The following TACR1 variants were observed in gnomAD, a reference collection of about 807,000 sequenced individuals.
TACR1 encodes tachykinin receptor 1.
Under a neutral mutation model 35.8 loss-of-function variants are expected in TACR1, and 25 were observed. That is an observed-to-expected ratio of 0.70 (90% CI 0.51 to 0.98). The LOEUF (loss-of-function observed/expected upper bound fraction) is 0.98, where lower values mean the gene tolerates loss of function less well. Ranked by LOEUF, TACR1 falls within the 50% of genes least tolerant of loss-of-function variation. TACR1 has a pLI of 0.00. For missense variants in TACR1, 478 were observed against 522.9 expected, an observed-to-expected ratio of 0.91 and a Z score of 0.84; for synonymous variants, 195 against 206.7, an observed-to-expected ratio of 0.94 and a Z score of 0.48.
At chr2:75,094,991 G>T (rs1572927068) in intron 2 of TACR1, among the ~76,000 whole-genome samples, 1 of 151,708 alleles carries the variant, frequency 6.6e-6, no homozygotes, top group Admixed American at 6.6e-5. Context: ...AAGTATGAGA[G>T]TCCTCTGAGG....
At chr2:75,078,646 T>C (rs965284095) in intron 2 of TACR1, among the ~76,000 whole-genome samples, 5 of 152,180 alleles carry the variant, frequency 3.3e-5, no homozygotes, top group Non-Finnish European at 7.3e-5. Flanking sequence ...ATTTCCAACA[T>C]CATGGGGGTA....
chr2:75,091,861 C>T (rs887165267), intron 2 of TACR1, among the ~76,000 whole-genome samples: 13 of 152,176 alleles, frequency 8.5e-5, no homozygotes, highest in African/African-American at 2.9e-4. Context: ...AAAGGAAGCC[C>T]ACATGGGGAA....
At chr2:75,178,014 A>G (rs1412898901) in intron 1 of TACR1, among the ~76,000 whole-genome samples, 5 of 152,096 alleles carry the variant, frequency 3.3e-5, no homozygotes, top group East Asian at 1.9e-4. Flanking sequence ...CTGTCATTTT[A>G]TCATAAAATC....
At chr2:75,082,218 G>A (rs902988140) in intron 2 of TACR1, among the ~76,000 whole-genome samples, 16 of 152,084 alleles carry the variant, frequency 1.1e-4, no homozygotes, top group African/African-American at 3.6e-4. Context: ...ATGGTTTCCA[G>A]CTTCCTCCAT....
intron 1 of TACR1, among the ~76,000 whole-genome samples, chr2:75,134,146 C>T (rs906098614): frequency 6.6e-6 from 1 of 152,186 alleles, no homozygotes; most frequent in Non-Finnish European, 1.5e-5. Flanking sequence ...AAGCAACCAG[C>T]AGCCCTTGGG....
intron 1 of TACR1, among the ~76,000 whole-genome samples, chr2:75,185,953 A>G (rs1675683519): frequency 6.6e-6 from 1 of 152,226 alleles, no homozygotes; most frequent in Admixed American, 6.5e-5. Context: ...AAATTACGAT[A>G]CTTTGTAACC....
intron 2 of TACR1, among the ~76,000 whole-genome samples, chr2:75,060,968 A>G (rs935098597): frequency 7.2e-5 from 11 of 152,030 alleles, no homozygotes; most frequent in Non-Finnish European, 1.0e-4. Flanking sequence ...TAGTGTGGGG[A>G]CCCAGGGAAG....
At chr2:75,177,159 C>T (rs1365699736) in intron 1 of TACR1, among the ~76,000 whole-genome samples, 1 of 151,416 alleles carries the variant, frequency 6.6e-6, no homozygotes, top group East Asian at 1.9e-4. Context: ...TCTTTCAGAC[C>T]CCACCCCCTC....
rs928282503 is a variant in TACR1, at chr2:75,048,510, A to C, written c.*922T>G. ...TACAGATGGCCTTAGCAGTTGCTAC[A>C]TCTCCAGGAACTGGGTATTAGTTAC... On this transcript the variant is annotated 3_prime_UTR_variant, in exon 5 of 5. Coordinates refer to ENST00000305249, the MANE Select transcript of TACR1 (RefSeq NM_001058.4). 1 of 152,220 alleles carries C rather than the reference A, an allele frequency of 6.6e-6. No individual in the cohort carries two copies. The highest frequency in any genetic ancestry group is 1.5e-5 in the Non-Finnish European group (1 of 68,034). 9.4% of individuals were successfully genotyped at this position (152,220 alleles called of 1,614,324 possible).
At chr2:75,195,349 C>G (rs1295486030) in intron 1 of TACR1, among the ~76,000 whole-genome samples, 3 of 151,872 alleles carry the variant, frequency 2.0e-5, no homozygotes, top group Admixed American at 6.6e-5. Context: ...CTATCCCCTT[C>G]CCACCTCCCA....
intron 1 of TACR1, among the ~76,000 whole-genome samples, chr2:75,158,133 A>C (rs1414850174): frequency 1.3e-5 from 2 of 152,252 alleles, no homozygotes; most frequent in Non-Finnish European, 1.5e-5. Flanking sequence ...ACTATGACCC[A>C]ACTGGGTCCT....
intron 1 of TACR1, among the ~76,000 whole-genome samples, chr2:75,171,133 G>A (rs1196077896): frequency 6.6e-6 from 1 of 152,116 alleles, no homozygotes; most frequent in East Asian, 1.9e-4. Context: ...AACCTAGGAG[G>A]AAAAAATGGT....
At chr2:75,063,466 T>A (rs1672706585) in intron 2 of TACR1, among the ~76,000 whole-genome samples, 1 of 152,258 alleles carries the variant, frequency 6.6e-6, no homozygotes, top group Non-Finnish European at 1.5e-5. Context: ...TAAGGATTTA[T>A]TTTGTTGAGT....
At chr2:75,161,036 A>G (rs1558575698) in intron 1 of TACR1, among the ~76,000 whole-genome samples, 1 of 152,026 alleles carries the variant, frequency 6.6e-6, no homozygotes, top group Non-Finnish European at 1.5e-5. Context: ...GAGAAATCTT[A>G]TAGAGTGATA....
intron 1 of TACR1, among the ~76,000 whole-genome samples, chr2:75,163,677 G>C (rs1339975437): frequency 6.6e-6 from 1 of 152,064 alleles, no homozygotes; most frequent in Non-Finnish European, 1.5e-5. Context: ...ATTCAACGTT[G>C]TTTTCATTAG....
intron 2 of TACR1, among the ~76,000 whole-genome samples, chr2:75,060,138 G>A (rs118135232): frequency 6.6e-6 from 1 of 152,312 alleles, no homozygotes; most frequent in East Asian, 1.9e-4. Flanking sequence ...TCTAGTCATT[G>A]TTTTCTTCTT....
chr2:75,088,776 C>T (rs1673237449), intron 2 of TACR1, among the ~76,000 whole-genome samples: 1 of 152,030 alleles, frequency 6.6e-6, no homozygotes, highest in South Asian at 2.1e-4. Flanking sequence ...CCCCTTCGCC[C>T]CTGAATCTTG....
At chr2:75,143,026 T>C (rs1345656403) in intron 1 of TACR1, among the ~76,000 whole-genome samples, 1 of 151,972 alleles carries the variant, frequency 6.6e-6, no homozygotes, top group African/African-American at 2.4e-5. Context: ...GAGGGGGTAA[T>C]ATCTGAAGTG....
intron 1 of TACR1, among the ~76,000 whole-genome samples, chr2:75,151,415 T>C (rs963400629): frequency 2.0e-5 from 3 of 152,202 alleles, no homozygotes; most frequent in Non-Finnish European, 2.9e-5. Flanking sequence ...CAGCTGTGGC[T>C]GAAAGGGGCC....
Sources: gnomAD v4.1 joint callset for allele counts (sites outside exome capture counted in the v4.1 genomes callset) on GRCh38, gnomAD v4.1.1 for gene constraint, MANE v1.5 for transcripts, NCBI Gene and HGNC (gene_info 2026-07-23, HGNC 2026-07-21) for gene names.